ERAP1: variants seen among roughly 807,000 people sequenced by gnomAD.
ERAP1 encodes the protein adipocyte-derived leucine aminopeptidase.
A neutral mutation model predicts 103.7 loss-of-function variants in ERAP1; 86 were observed. The ratio of observed to expected loss-of-function variants is 0.83; its 90% CI spans 0.70 to 0.99. The LOEUF (loss-of-function observed/expected upper bound fraction) is 0.99. ERAP1 is among the 50% of genes least tolerant of loss of function. The pLI is 0.00. For missense variants in ERAP1, 1,009 were observed against 1,128.4 expected (o/e 0.89, Z 1.52); for synonymous variants, 398 against 402.4 (o/e 0.99, Z 0.13).
At chr5:96,865,988 C>G in the ERAP1 span, among the ~76,000 whole-genome samples, 4 of 152,202 alleles carry the variant, frequency 2.6e-5, no homozygotes, top group Non-Finnish European at 5.9e-5. Flanking sequence ...TATACAAGAT[C>G]GCTTTTTTCA....
At chr5:96,765,737 G>T (rs1245248123) in intron 19 of ERAP1, among the ~76,000 whole-genome samples, 2 of 152,116 alleles carry the variant, frequency 1.3e-5, no homozygotes, top group East Asian at 1.9e-4. Flanking sequence ...AAAAGAAAAA[G>T]ATATTTTATA....
At chr5:96,763,494 C>T (rs112964960) in intron 19 of ERAP1, among the ~76,000 whole-genome samples, 3 of 152,292 alleles carry the variant, frequency 2.0e-5, no homozygotes, top group African/African-American at 7.2e-5. Flanking sequence ...AGATTCTGCC[C>T]TGATGAAGGC....
chr5:96,873,776 T>C, the ERAP1 span: 1 of 236,430 alleles, frequency 4.2e-6, no homozygotes, highest in African/African-American at 2.2e-5. Context: ...GGCTCTGCTC[T>C]ATACTGGGCA....
rs1003613161 is a variant in ERAP1 at position 96,775,905 on chromosome 5, T to G, written c.*491A>C. ...GACTTGGCCTTTACAAGTCAGCCCC[T>G]GGGCATGGAGCAAGGAAGAGGGATG... On this transcript the variant is annotated 3_prime_UTR_variant, in exon 19 of 19. Transcript: ENST00000443439. 1.7e-4 allele frequency: 167 copies of G among 973,108 alleles called. No individual in the cohort carries two copies. Among genetic ancestry groups the G allele is most frequent in the Non-Finnish European group, 2.0e-4 (161 of 813,690 alleles). 60.3% of individuals were successfully genotyped at this position (973,108 alleles called of 1,614,324 possible). A position where few individuals can be genotyped will look rare whatever the true frequency, so the allele number is the denominator to read the frequency against.
chr5:96,778,945 G>C (rs557247519), intron 18 of ERAP1, among the ~76,000 whole-genome samples: 3 of 152,104 alleles, frequency 2.0e-5, no homozygotes, highest in Admixed American at 6.5e-5. Context: ...ATAACATCTC[G>C]GGCTCTTTAC....
At chr5:96,826,784 G>A in the ERAP1 span, among the ~76,000 whole-genome samples, 1 of 152,134 alleles carries the variant, frequency 6.6e-6, no homozygotes, top group Admixed American at 6.5e-5. Flanking sequence ...TCTTCTCCAG[G>A]AAGAACTCCA....
At chr5:96,802,238 G>A (rs153541) in intron 2 of ERAP1, among the ~76,000 whole-genome samples, 26,392 of 151,912 alleles carry the variant, frequency 0.17, 2,584 homozygotes, top group Admixed American at 0.24. Flanking sequence ...TTCCATTCCC[G>A]AGGGATTAAA....
At chr5:96,810,867 G>C (rs1214569967), upstream of ERAP1, among the ~76,000 whole-genome samples, 2 of 152,144 alleles carry the variant, frequency 1.3e-5, no homozygotes, top group Admixed American at 1.3e-4. Flanking sequence ...CATTTCTTCT[G>C]TTTTGCTGCC....
At chr5:96,780,936 A>G in intron 17 of ERAP1, 122 bp downstream of exon 17, 2 of 1,114,256 alleles carry the variant, frequency 1.8e-6, no homozygotes, top group Non-Finnish European at 2.7e-6. Context: ...AGGTATTTCT[A>G]CTGCCTATCT....
At chr5:96,918,137 G>T in the ERAP1 span, 1 of 152,440 alleles carries the variant, frequency 6.6e-6, no homozygotes, top group Non-Finnish European at 1.5e-5. Context: ...GGTGGGGGAA[G>T]GCCAGTTCAG....
At chr5:96,814,193 G>A in the ERAP1 span, 2 of 454,824 alleles carry the variant, frequency 4.4e-6, no homozygotes, top group Non-Finnish European at 4.4e-6. Flanking sequence ...GTTCCTCATT[G>A]ACTATCGGAT....
At chr5:96,773,735 G>T (rs988415839), downstream of ERAP1, 1 of 152,132 alleles carries the variant, frequency 6.6e-6, no homozygotes. Flanking sequence ...TGATATCATC[G>T]ATTAGAATTT....
intron 1 of ERAP1, chr5:96,806,107 T>C (rs1011120089): frequency 3.9e-5 from 6 of 152,220 alleles, no homozygotes; most frequent in Non-Finnish European, 8.8e-5. Flanking sequence ...AATCCCAAAC[T>C]GTAGGCTACA....
chr5:96,882,199 T>C, the ERAP1 span, among the ~76,000 whole-genome samples: 9 of 152,366 alleles, frequency 5.9e-5, no homozygotes, highest in Non-Finnish European at 4.4e-5. Context: ...TGTCAACTTC[T>C]TCTCACTAAG....
At chr5:96,894,634 C>A in the ERAP1 span, among the ~76,000 whole-genome samples, 1 of 152,048 alleles carries the variant, frequency 6.6e-6, no homozygotes, top group African/African-American at 2.4e-5. Flanking sequence ...TATATTTATG[C>A]ATCCTTTTTA....
At chr5:96,863,045 A>AT in the ERAP1 span, among the ~76,000 whole-genome samples, 10 of 151,462 alleles carry the variant, frequency 6.6e-5, no homozygotes, top group African/African-American at 2.2e-4. Flanking sequence ...TGATTCACTT[A>AT]TTTTTTTTTA....
At chr5:96,865,997 C>T in the ERAP1 span, among the ~76,000 whole-genome samples, 1 of 152,304 alleles carries the variant, frequency 6.6e-6, no homozygotes, top group African/African-American at 2.4e-5. Flanking sequence ...TCGCTTTTTT[C>T]ATACTCAATC....
At chr5:96,849,245 A>G in the ERAP1 span, among the ~76,000 whole-genome samples, 10 of 152,202 alleles carry the variant, frequency 6.6e-5, no homozygotes, top group Non-Finnish European at 1.5e-4. Flanking sequence ...CTTTTATTTA[A>G]CATAGTACTG....
chr5:96,935,800 T>G, the ERAP1 span: 46 of 266,154 alleles, frequency 1.7e-4, no homozygotes, highest in Middle Eastern at 1.2e-3. Context: ...GGGCTCCACA[T>G]TTGTTGAGTG....
Sources: allele counts gnomAD v4.1 joint callset (sites outside exome capture counted in the v4.1 genomes callset), GRCh38; gene constraint gnomAD v4.1.1; transcripts MANE v1.5; gene names NCBI Gene and HGNC (gene_info 2026-07-23, HGNC 2026-07-21).